The following BMPR1B variants were observed in gnomAD, a reference collection of about 807,000 sequenced individuals.
BMPR1B encodes bone morphogenetic protein receptor type 1B.
A neutral mutation model predicts 59.1 loss-of-function variants in BMPR1B; 12 were observed. The ratio of observed to expected loss-of-function variants is 0.20; its 90% CI spans 0.13 to 0.33. The LOEUF (loss-of-function observed/expected upper bound fraction) is 0.33, where lower values mean the gene tolerates loss of function less well. Ranked by LOEUF, BMPR1B falls within the 10% of genes least tolerant of loss-of-function variation. The pLI is 1.00. For missense variants in BMPR1B, 550 were observed against 610.9 expected (o/e 0.90, Z 1.05); for synonymous variants, 237 against 207.3 (o/e 1.14, Z -1.23).
At chr4:94,836,442 T>C (rs1031279577) in intron 1 of BMPR1B, among the ~76,000 whole-genome samples, 3 of 140,406 alleles carry the variant, frequency 2.1e-5, no homozygotes, top group Admixed American at 7.0e-5. Flanking sequence ...TTTTTAATGA[T>C]TGCCATTCTA....
chr4:95,084,956 T>G (rs763543792), intron 3 of BMPR1B, among the ~76,000 whole-genome samples: 14 of 152,150 alleles, frequency 9.2e-5, no homozygotes, highest in African/African-American at 3.4e-4. Context: ...AGTGTAGTTA[T>G]CCTGTTACAC....
In BMPR1B at chr4:95,126,588, G is replaced by A. The variant is rs535669954; in HGVS notation, c.585+1467G>A. Among the ~76,000 whole-genome samples, 12 of 152,252 alleles carry A rather than the reference G, an allele frequency of 7.9e-5. No individual in the cohort carries two copies. In the East Asian group the frequency reaches 2.1e-3, roughly 27 times the overall value. On this transcript the variant is annotated intron_variant, in intron 8 of 12. Coordinates refer to ENST00000515059, the MANE Select transcript of BMPR1B (RefSeq NM_001203.3). ...AGATAGGTCAGCTAGCTAGTACGTG[G>A]AGAAGCCAGGATTCAAACCCAGATG...
At chr4:95,097,188 G>A (rs997851264) in intron 3 of BMPR1B, among the ~76,000 whole-genome samples, 2 of 149,388 alleles carry the variant, frequency 1.3e-5, no homozygotes, top group African/African-American at 4.9e-5. Context: ...CCACACATGT[G>A]TAGTGTCTGG....
At chr4:94,797,988 T>C (rs189919292) in intron 1 of BMPR1B, among the ~76,000 whole-genome samples, 61 of 152,344 alleles carry the variant, frequency 4.0e-4, no homozygotes, top group African/African-American at 1.2e-3. Context: ...TATAATGCAC[T>C]GTTTCTTCAT....
At chr4:94,819,128 C>T (rs1436818438) in intron 1 of BMPR1B, among the ~76,000 whole-genome samples, 1 of 151,966 alleles carries the variant, frequency 6.6e-6, no homozygotes, top group Admixed American at 6.6e-5. Context: ...AGAGTGAGAA[C>T]CTATCTCAAA....
At chr4:95,087,002 T>TC (rs1560642816) in intron 3 of BMPR1B, among the ~76,000 whole-genome samples, 3 of 131,944 alleles carry the variant, frequency 2.3e-5, no homozygotes, top group Non-Finnish European at 1.6e-5. Flanking sequence ...ATCCTTCTTT[T>TC]TTTTTTTTTT....
chr4:94,959,932 A>C (rs1730288429), intron 2 of BMPR1B, among the ~76,000 whole-genome samples: 1 of 152,188 alleles, frequency 6.6e-6, no homozygotes, highest in African/African-American at 2.4e-5. Flanking sequence ...CAAAGATTTA[A>C]ATGTTAATCG....
At chr4:95,115,935 C>T (rs1005155331) in intron 6 of BMPR1B, 148 bp downstream of exon 6, 23 of 728,620 alleles carry the variant, frequency 3.2e-5, no homozygotes, top group African/African-American at 8.8e-5. Context: ...AACCATCATT[C>T]GAAGACATGT....
In BMPR1B at chr4:95,025,537, C is replaced by T. The variant is rs535276010; in HGVS notation, c.-18+29403C>T. On this transcript the variant is annotated intron_variant, in intron 3 of 12. Coordinates refer to ENST00000515059, the MANE Select transcript of BMPR1B (RefSeq NM_001203.3). ...TTGAATATAGTGCTACTAGTTACCA[C>T]ACTTGTGGTAGTGTAAAGTATGATG... Among the ~76,000 whole-genome samples, 42 of 152,132 alleles carry T rather than the reference C, an allele frequency of 2.8e-4. 1 individual carries two copies. Among genetic ancestry groups the T allele is most frequent in the Non-Finnish European group, 5.3e-4 (36 of 68,022 alleles).
chr4:94,848,754 G>T (rs572336550), intron 1 of BMPR1B, among the ~76,000 whole-genome samples: 2 of 152,310 alleles, frequency 1.3e-5, no homozygotes, highest in Admixed American at 1.3e-4. Flanking sequence ...TACTGAAGCG[G>T]TTCCAGGTGG....
chr4:94,836,180 T>A (rs1171700599), intron 1 of BMPR1B, among the ~76,000 whole-genome samples: 1 of 150,274 alleles, frequency 6.7e-6, no homozygotes, highest in East Asian at 1.9e-4. Flanking sequence ...TTGGGTTGGT[T>A]CCAAGTCTTT....
intron 3 of BMPR1B, among the ~76,000 whole-genome samples, chr4:95,026,734 C>A (rs1166752469): frequency 7.0e-6 from 1 of 141,858 alleles, no homozygotes; most frequent in Admixed American, 7.2e-5. Flanking sequence ...ACCCTCCCCT[C>A]CCTTCTCCCT....
intron 3 of BMPR1B, among the ~76,000 whole-genome samples, chr4:95,052,979 G>A (rs921156322): frequency 5.3e-5 from 8 of 152,076 alleles, no homozygotes; most frequent in African/African-American, 1.7e-4. Context: ...AGCTACTACT[G>A]CCTCTTCATT....
rs1051091509 is a variant in BMPR1B, at chr4:95,158,206, C to G, written c.*3533C>G. 1 of 151,862 alleles carries G rather than the reference C, an allele frequency of 6.6e-6. No homozygotes were observed. The highest frequency in any genetic ancestry group is 2.1e-4 in the South Asian group (1 of 4,810). The allele number at this position is 151,862 out of a possible 1,614,324, so 9.4% of individuals were successfully genotyped here. A position where few individuals can be genotyped will look rare whatever the true frequency, so the allele number is the denominator to read the frequency against. On this transcript the variant is annotated 3_prime_UTR_variant, in exon 13 of 13. Coordinates refer to ENST00000515059, the MANE Select transcript of BMPR1B (RefSeq NM_001203.3). ...AGCAATTGTGATTCCTCTTGTAAAA[C>G]AAAACAAAAAAACAATGCCATATTT... is the stretch of plus-strand genomic sequence containing the variant.
At chr4:95,085,917 G>C (rs575167426) in intron 3 of BMPR1B, among the ~76,000 whole-genome samples, 52 of 152,220 alleles carry the variant, frequency 3.4e-4, no homozygotes, top group African/African-American at 1.2e-3. Context: ...CATTTGGCAA[G>C]AAGAGACAGG....
chr4:94,859,265 T>C (rs1424837125), intron 1 of BMPR1B, among the ~76,000 whole-genome samples: 1 of 152,104 alleles, frequency 6.6e-6, no homozygotes, highest in Non-Finnish European at 1.5e-5. Context: ...TAGTTAATAA[T>C]TTTTTAAAAA....
intron 1 of BMPR1B, among the ~76,000 whole-genome samples, chr4:94,874,101 T>C (rs982734910): frequency 2.0e-5 from 3 of 152,196 alleles, no homozygotes; most frequent in Non-Finnish European, 4.4e-5. Context: ...GTGACAGGAT[T>C]TCCTTCTTAA....
chr4:94,939,986 A>G (rs1272421047), intron 2 of BMPR1B, among the ~76,000 whole-genome samples: 1 of 152,222 alleles, frequency 6.6e-6, no homozygotes, highest in African/African-American at 2.4e-5. Context: ...TTACAAAGTA[A>G]TCTGATACTA....
chr4:94,974,661 AT>A (rs1164908354), intron 2 of BMPR1B, among the ~76,000 whole-genome samples: 1 of 152,124 alleles, frequency 6.6e-6, no homozygotes, highest in Non-Finnish European at 1.5e-5. Flanking sequence ...TTATTTTATA[AT>A]TCTTTTTTTT....
Sources: allele counts gnomAD v4.1 joint callset (sites outside exome capture counted in the v4.1 genomes callset), GRCh38; gene constraint gnomAD v4.1.1; transcripts MANE v1.5; gene names NCBI Gene and HGNC (gene_info 2026-07-23, HGNC 2026-07-21).